CSN1S1: variants seen among roughly 807,000 people sequenced by gnomAD.
The protein encoded by CSN1S1 is alpha-S1-casein.
A neutral mutation model predicts 49.1 loss-of-function variants in CSN1S1; 63 were observed. The observed-to-expected ratio is 1.28, with a 90% CI of 1.05 to 1.58. The LOEUF (loss-of-function observed/expected upper bound fraction) is 1.58, where lower values mean the gene tolerates loss of function less well. Ranked by LOEUF, CSN1S1 falls within the 40% of genes most tolerant of loss-of-function variation. The probability of loss-of-function intolerance (pLI) is 0.00; values close to 1 mark genes in which losing one functional copy is unlikely to be tolerated. For synonymous variants in CSN1S1, 78 were observed against 67.1 expected (o/e 1.16, Z -0.79); for missense variants, 260 against 224.7 (o/e 1.16, Z -1.01).
chr4:69,932,049 CT>C (rs781408191), intron 1 of CSN1S1, among the ~76,000 whole-genome samples: 3 of 151,706 alleles, frequency 2.0e-5, no homozygotes, highest in East Asian at 1.9e-4. Flanking sequence ...CATGAAGACT[CT>C]AAAAGAAAAG....
At chr4:69,938,628 G>C (rs1722882252) in intron 9 of CSN1S1, among the ~76,000 whole-genome samples, 1 of 151,564 alleles carries the variant, frequency 6.6e-6, no homozygotes, top group South Asian at 2.1e-4. Flanking sequence ...TATGTATTTG[G>C]AAAGTAAAAT....
intron 12 of CSN1S1, among the ~76,000 whole-genome samples, chr4:69,941,593 T>G (rs1722968798): frequency 6.6e-6 from 1 of 151,852 alleles, no homozygotes; most frequent in Admixed American, 6.6e-5. Flanking sequence ...ACAAACAAAT[T>G]TGACGTAATG....
At chr4:69,942,606 C>G (rs377669475) in intron 14 of CSN1S1, 29 bp downstream of exon 14, 11 of 1,530,012 alleles carry the variant, frequency 7.2e-6, no homozygotes, top group Non-Finnish European at 9.8e-6. Flanking sequence ...TATTACAAAA[C>G]GATAATATTT....
chr4:69,938,975 G>T (rs1329043557), intron 9 of CSN1S1, among the ~76,000 whole-genome samples: 1 of 151,632 alleles, frequency 6.6e-6, no homozygotes. Flanking sequence ...TCCCAGATAA[G>T]TTATTAAACC....
chr4:69,939,060 A>T lies in CSN1S1; in HGVS notation c.244-116A>T, dbSNP rs1722893939. On this transcript the variant is annotated intron_variant, in intron 9 of 15. Transcript: ENST00000246891. ...TAGTACGCCTGAATTTTTCCATACCACTTATTCAGTTATAATGTTACCATG... is the reference window on the plus strand; with the variant it reads ...TAGTACGCCTGAATTTTTCCATACCTCTTATTCAGTTATAATGTTACCATG... 1.6e-5 allele frequency: 10 copies of T among 638,168 alleles called. No individual in the cohort carries two copies. In the East Asian group the frequency reaches 2.8e-4, roughly 18 times the overall value. 39.5% of individuals were successfully genotyped at this position (638,168 alleles called of 1,614,324 possible). A position where few individuals can be genotyped will look rare whatever the true frequency, so the allele number is the denominator to read the frequency against.
intron 14 of CSN1S1, 144 bp downstream of exon 14, chr4:69,942,721 C>T (rs987063610): frequency 1.5e-6 from 1 of 652,180 alleles, no homozygotes; most frequent in African/African-American, 1.8e-5. Context: ...GTTCTGACAA[C>T]TTCTAAGCAT....
At chr4:69,939,053 C>T in intron 9 of CSN1S1, 123 bp from the exon 10 acceptor site, 1 of 587,366 alleles carries the variant, frequency 1.7e-6, no homozygotes, top group Non-Finnish European at 2.9e-6. Flanking sequence ...CTGAATTTTT[C>T]CATACCACTT....
intron 9 of CSN1S1, among the ~76,000 whole-genome samples, chr4:69,938,209 T>C (rs1405853961): frequency 6.6e-6 from 1 of 151,814 alleles, no homozygotes; most frequent in Non-Finnish European, 1.5e-5. Flanking sequence ...ATTACTTTTT[T>C]ATTTTAGATA....
chr4:69,946,135 C>A, intron 15 of CSN1S1, 61 bp from the exon 16 acceptor site: 1 of 454,756 alleles, frequency 2.2e-6, no homozygotes, highest in Non-Finnish European at 4.1e-6. Context: ...ACCATAAGAG[C>A]TTTTCTTTTC....
Position 69,942,075 on chromosome 4 carries a change from TA to T in CSN1S1, c.360+13del. The T allele has an allele frequency of 7.0e-7, 1 of 1,429,336 alleles. No homozygotes were observed. Among genetic ancestry groups the T allele is most frequent in the South Asian group, 1.4e-5 (1 of 68,968 alleles). The allele number at this position is 1,429,336 out of a possible 1,614,324, so 88.5% of individuals were successfully genotyped here. A position where few individuals can be genotyped will look rare whatever the true frequency, so the allele number is the denominator to read the frequency against. On this transcript the variant is annotated intron_variant, in intron 13 of 15. Transcript: ENST00000246891. ...CTGCCCATGCCCAGGTGAGATTATT[TA>T]TTAAATCTAAAATATTTTAGTATTT...
In CSN1S1 at chr4:69,935,786, C is replaced by T. The variant is rs556463453; in HGVS notation, c.106-140C>T. 16 of 656,912 alleles carry T rather than the reference C, an allele frequency of 2.4e-5. No homozygotes were observed. The South Asian group carries it at 2.8e-4, about 12-fold the overall frequency. The allele number at this position is 656,912 out of a possible 1,614,324, so 40.7% of individuals were successfully genotyped here. On this transcript the variant is annotated intron_variant, in intron 4 of 15. Transcript: ENST00000246891. ...AGAATGCTCTTAACTATAAATAATA[C>T]ATATGTGTCACATTCTCTATAATTT...
At chr4:69,944,362 G>GC (rs1245069607) in intron 14 of CSN1S1, among the ~76,000 whole-genome samples, 4 of 151,900 alleles carry the variant, frequency 2.6e-5, no homozygotes, top group African/African-American at 9.7e-5. Context: ...AAGAACAGTG[G>GC]CCTAGGAATT....
intron 1 of CSN1S1, 39 bp from the exon 2 acceptor site, chr4:69,932,505 A>G (rs1722637919): frequency 1.3e-6 from 2 of 1,519,924 alleles, no homozygotes; most frequent in African/African-American, 1.4e-5. Context: ...AATTTAACGT[A>G]ATAATATCTA....
At chr4:69,934,363 T>C (rs1722704866) in intron 3 of CSN1S1, 119 bp downstream of exon 3, 1 of 967,828 alleles carries the variant, frequency 1.0e-6, no homozygotes. Context: ...ATCATTTCTT[T>C]AGTTCAAGCA....
Position 69,936,989 on chromosome 4 carries a change from A to G in CSN1S1, c.196-132A>G. The G allele has an allele frequency of 1.0e-5, 7 of 701,094 alleles. No homozygotes were observed. The South Asian group carries it at 1.1e-4, about 11-fold the overall frequency. The allele number at this position is 701,094 out of a possible 1,614,324, so 43.4% of individuals were successfully genotyped here. ...CTCAATTATTTTCTTTAACCATAAC[A>G]TCTTTGATTTGGATTGTCTACTAGT... On this transcript the variant is annotated intron_variant, in intron 7 of 15. Coordinates refer to ENST00000246891, the MANE Select transcript of CSN1S1 (RefSeq NM_001890.2).
rs10030869 is a variant in CSN1S1, at chr4:69,937,178, T to C, written c.219+34T>C. On this transcript the variant is annotated intron_variant, in intron 8 of 15. Transcript: ENST00000246891. The stretch of plus-strand genomic sequence containing the variant: ...CTTTGTTTTAAAATTATTAAACCAA[T>C]ATGAGGAAAAGAAACAATACATATT... 587 of 1,436,822 alleles carry C rather than the reference T, an allele frequency of 4.1e-4. 3 individuals carry two copies. The African/African-American group carries it at 7.5e-3, about 18-fold the overall frequency. 89.0% of individuals were successfully genotyped at this position (1,436,822 alleles called of 1,614,324 possible).
intron 2 of CSN1S1, among the ~76,000 whole-genome samples, chr4:69,933,102 G>C (rs1245396908): frequency 6.6e-6 from 1 of 151,530 alleles, no homozygotes; most frequent in Non-Finnish European, 1.5e-5. Flanking sequence ...CCCAAGAAGG[G>C]ATAGAAAACT....
At chr4:69,937,165 A>G in intron 8 of CSN1S1, 21 bp downstream of exon 8, 1 of 1,505,422 alleles carries the variant, frequency 6.6e-7, no homozygotes, top group Non-Finnish European at 8.9e-7. Flanking sequence ...TTGTTTTAAA[A>G]TTATTAAACC....
chr4:69,945,171 C>T (rs1723123462), intron 15 of CSN1S1, among the ~76,000 whole-genome samples, 167 bp downstream of exon 15: 1 of 151,936 alleles, frequency 6.6e-6, no homozygotes, highest in South Asian at 2.1e-4. Context: ...TTTTGTGGGA[C>T]CTGTGGCTAA....
Sources: allele counts gnomAD v4.1 joint callset (sites outside exome capture counted in the v4.1 genomes callset), GRCh38; gene constraint gnomAD v4.1.1; transcripts MANE v1.5; gene names NCBI Gene and HGNC (gene_info 2026-07-23, HGNC 2026-07-21).